Variants in C14orf132 observed in about 807,000 individuals in gnomAD.
C14orf132 encodes the protein chromosome 14 open reading frame 132, also known as uncharacterized protein C14orf132.
C14orf132 carries 6 observed loss-of-function variants against 5.8 expected under a neutral mutation model. The observed-to-expected ratio is 1.03, with a 90% CI of 0.57 to 2.04. The LOEUF (loss-of-function observed/expected upper bound fraction) is 2.04, where lower values mean the gene tolerates loss of function less well. Among genes scored for constraint, C14orf132 ranks in the 30% most tolerant of loss-of-function variants. The probability of loss-of-function intolerance (pLI) is 0.00; values close to 1 mark genes in which losing one functional copy is unlikely to be tolerated. For missense variants in C14orf132, 125 were observed against 115.8 expected (o/e 1.08, Z -0.37); for synonymous variants, 51 against 49.8 (o/e 1.02, Z -0.10).
At chr14:96,063,795 T>C (rs1391873580) in intron 1 of C14orf132, among the ~76,000 whole-genome samples, 1 of 151,720 alleles carries the variant, frequency 6.6e-6, no homozygotes, top group East Asian at 1.9e-4. Context: ...ACCCACAGAG[T>C]GGGAGAAAAT....
chr14:96,041,570 C>T (rs1420626237), intron 1 of C14orf132, among the ~76,000 whole-genome samples: 2 of 152,162 alleles, frequency 1.3e-5, no homozygotes, highest in Non-Finnish European at 2.9e-5. Flanking sequence ...TTGATTCATC[C>T]CATTATCCCC....
At chr14:96,058,867 A>G (rs765049386) in intron 1 of C14orf132, among the ~76,000 whole-genome samples, 43 of 152,256 alleles carry the variant, frequency 2.8e-4, no homozygotes, top group Non-Finnish European at 5.9e-4. Flanking sequence ...AGGTTGCCCA[A>G]GGGGCTTTGA....
At chr14:96,055,884 T>A (rs1432773604) in intron 1 of C14orf132, among the ~76,000 whole-genome samples, 1 of 152,178 alleles carries the variant, frequency 6.6e-6, no homozygotes, top group African/African-American at 2.4e-5. Flanking sequence ...CAGAATCACC[T>A]GGGTAGCTGG....
At chr14:96,053,086 A>T (rs1887075148) in intron 1 of C14orf132, among the ~76,000 whole-genome samples, 1 of 152,214 alleles carries the variant, frequency 6.6e-6, no homozygotes, top group African/African-American at 2.4e-5. Flanking sequence ...GCCCCAGGCC[A>T]ACTGGGATGG....
At position 96,086,648 on chromosome 14, in the gene C14orf132, C is replaced by T; in HGVS notation, c.165C>T (p.Ser55=). 6.5e-7 allele frequency: 1 copy of T among 1,536,182 alleles called. No homozygotes were observed. Among genetic ancestry groups the T allele is most frequent in the Non-Finnish European group, 8.7e-7 (1 of 1,146,926 alleles). The part of the protein sequence containing the change: ...QGQPEDPPRS[S]NDAVLLWIAI... Reference sequence around the variant, plus strand: ...AGCCGGAAGATCCTCCTCGGTCCTCCAACGACGCCGTCTTGCTATGGATTG... The same window carrying T: ...AGCCGGAAGATCCTCCTCGGTCCTCTAACGACGCCGTCTTGCTATGGATTG... The change falls in exon 2 of 2, where the codon TCC becomes TCT. Residue 55 remains serine, a synonymous_variant. Transcript: ENST00000555004.
At chr14:96,042,283 A>G (rs2139638301) in intron 1 of C14orf132, among the ~76,000 whole-genome samples, 1 of 152,348 alleles carries the variant, frequency 6.6e-6, no homozygotes, top group East Asian at 1.9e-4. Flanking sequence ...GGCCAGGGCC[A>G]GATTATAGAA....
chr14:96,092,466 C>T lies in C14orf132; in HGVS notation c.*5731C>T, dbSNP rs1439467126. 3.3e-5 allele frequency: 5 copies of T among 152,252 alleles called. No homozygotes were observed. The highest frequency in any genetic ancestry group is 5.9e-5 in the Non-Finnish European group (4 of 68,074). 9.4% of individuals were successfully genotyped at this position (152,252 alleles called of 1,614,324 possible). ...CTCGATTATTGGGGGAATCAGAGCC[C>T]ATTCCACACCGAGCCCCATCCACGT... On this transcript the variant is annotated 3_prime_UTR_variant, in exon 2 of 2. Transcript: ENST00000555004.
chr14:96,081,809 G>A (rs748367358), intron 1 of C14orf132, among the ~76,000 whole-genome samples: 5 of 152,136 alleles, frequency 3.3e-5, no homozygotes, highest in East Asian at 3.9e-4. Flanking sequence ...TATGTTACCC[G>A]GACTGATCTT....
chr14:96,059,757 C>T (rs1437750324), intron 1 of C14orf132, among the ~76,000 whole-genome samples: 1 of 152,216 alleles, frequency 6.6e-6, no homozygotes, highest in African/African-American at 2.4e-5. Flanking sequence ...AGGTGCTTCT[C>T]ACCTGGGGGG....
chr14:96,061,603 T>G lies in C14orf132; in HGVS notation c.27+22076T>G, dbSNP rs142059721. Among the ~76,000 whole-genome samples the G allele has an allele frequency of 2.0e-4, 30 of 152,290 alleles. No homozygotes were observed. The East Asian group carries it at 5.4e-3, about 27-fold the overall frequency. The stretch of plus-strand genomic sequence containing the variant: ...TAAGTAGCACTAATTTGCCATCATG[T>G]GCCTTTGGGTGGGCAATATTTAAAG... On this transcript the variant is annotated intron_variant, in intron 1 of 1. Coordinates refer to ENST00000555004, the MANE Select transcript of C14orf132 (RefSeq NM_001252507.3).
At chr14:96,054,564 G>A (rs890380550) in intron 1 of C14orf132, among the ~76,000 whole-genome samples, 2 of 152,184 alleles carry the variant, frequency 1.3e-5, no homozygotes, top group African/African-American at 4.8e-5. Context: ...ATAGCTCATA[G>A]TATGGGTGGG....
At chr14:96,078,436 C>T (rs1887937501) in intron 1 of C14orf132, among the ~76,000 whole-genome samples, 1 of 152,208 alleles carries the variant, frequency 6.6e-6, no homozygotes, top group Non-Finnish European at 1.5e-5. Flanking sequence ...GCAAAAACCC[C>T]AGTAAGCTCA....
intron 1 of C14orf132, among the ~76,000 whole-genome samples, chr14:96,074,871 C>T (rs2369420): frequency 0.55 from 82,224 of 150,638 alleles, 22,981 homozygotes; most frequent in East Asian, 0.9. Context: ...AATTTGTTTT[C>T]TTTTTCAAAA....
At chr14:96,041,456 G>C (rs914865497) in intron 1 of C14orf132, among the ~76,000 whole-genome samples, 1 of 152,214 alleles carries the variant, frequency 6.6e-6, no homozygotes, top group Non-Finnish European at 1.5e-5. Flanking sequence ...AGAAAGATAC[G>C]ATGTAAGGTA....
chr14:96,051,138 G>A lies in C14orf132; in HGVS notation c.27+11611G>A. 7.5e-6 allele frequency: 3 copies of A among 398,582 alleles called. No individual in the cohort carries two copies. The Admixed American group carries it at 1.3e-4, about 18-fold the overall frequency. The allele number at this position is 398,582 out of a possible 1,614,324, so 24.7% of individuals were successfully genotyped here. A position where few individuals can be genotyped will look rare whatever the true frequency, so the allele number is the denominator to read the frequency against. ...ATACTCTACAGGTCAAGTGAGCCTG[G>A]GGAATAACAAGTGAGGATGCCAAAT... On this transcript the variant is annotated intron_variant, in intron 1 of 1. Coordinates refer to ENST00000555004, the MANE Select transcript of C14orf132 (RefSeq NM_001252507.3).
At position 96,086,657 on chromosome 14, in the gene C14orf132, C is replaced by T. The variant is rs774502159; in HGVS notation, c.174C>T (p.Ala58=). 9.5e-5 allele frequency: 146 copies of T among 1,536,040 alleles called. No individual in the cohort carries two copies. In the Middle Eastern group the frequency reaches 1.0e-3, roughly 10 times the overall value. The change falls in exon 2 of 2, where the codon GCC becomes GCT. Residue 58 remains alanine (A), a synonymous_variant. Coordinates refer to ENST00000555004, the MANE Select transcript of C14orf132 (RefSeq NM_001252507.3). The part of the protein sequence containing the change: ...PEDPPRSSND[A]VLLWIAIIAT... ...ATCCTCCTCGGTCCTCCAACGACGC[C>T]GTCTTGCTATGGATTGCCATCATAG...
intron 1 of C14orf132, among the ~76,000 whole-genome samples, chr14:96,050,618 A>G (rs1227433771): frequency 4.0e-5 from 6 of 151,722 alleles, no homozygotes; most frequent in African/African-American, 1.5e-4. Context: ...ATACTCTGCC[A>G]TGTGGTCTCC....
At chr14:96,041,113 C>T (rs541318355) in intron 1 of C14orf132, among the ~76,000 whole-genome samples, 15 of 152,202 alleles carry the variant, frequency 9.9e-5, no homozygotes, top group African/African-American at 1.9e-4. Flanking sequence ...ACATTCCACT[C>T]GGTCAATGTA....
At chr14:96,079,915 A>T (rs1490611500) in intron 1 of C14orf132, among the ~76,000 whole-genome samples, 1 of 152,236 alleles carries the variant, frequency 6.6e-6, no homozygotes, top group East Asian at 1.9e-4. Flanking sequence ...TGCACAGTTA[A>T]ATTTCATTGT....
Sources: allele counts gnomAD v4.1 joint callset (sites outside exome capture counted in the v4.1 genomes callset), GRCh38; gene constraint gnomAD v4.1.1; transcripts MANE v1.5; gene names NCBI Gene and HGNC (gene_info 2026-07-23, HGNC 2026-07-21).